TTLL5: variants seen among roughly 807,000 people sequenced by gnomAD.
TTLL5 encodes tubulin polyglutamylase TTLL5.
Under a neutral mutation model 168.4 loss-of-function variants are expected in TTLL5, and 132 were observed. The ratio of observed to expected loss-of-function variants is 0.78; its 90% CI spans 0.68 to 0.91. The LOEUF (loss-of-function observed/expected upper bound fraction) is 0.91, where lower values mean the gene tolerates loss of function less well. TTLL5 is among the 40% of genes least tolerant of loss of function. The pLI, the probability that TTLL5 is intolerant of heterozygous loss-of-function variation, is 0.00. For missense variants in TTLL5, 1,545 were observed against 1,581.5 expected, an observed-to-expected ratio of 0.98 and a Z score of 0.39; for synonymous variants, 546 against 558.6, an observed-to-expected ratio of 0.98 and a Z score of 0.32.
intron 3 of TTLL5, among the ~76,000 whole-genome samples, chr14:75,679,751 A>G (rs1296311777): frequency 1.3e-5 from 2 of 152,116 alleles, no homozygotes; most frequent in East Asian, 1.9e-4. Flanking sequence ...CTATTTTGTG[A>G]TTCCCACACA....
chr14:75,803,689 T>G (rs1566611190), intron 27 of TTLL5, among the ~76,000 whole-genome samples: 1 of 152,180 alleles, frequency 6.6e-6, no homozygotes, highest in Non-Finnish European at 1.5e-5. Context: ...AGAAACATCT[T>G]GCACCTGGGC....
At chr14:75,693,247 T>C (rs1053627145) in intron 6 of TTLL5, among the ~76,000 whole-genome samples, 1 of 152,142 alleles carries the variant, frequency 6.6e-6, no homozygotes, top group Non-Finnish European at 1.5e-5. Flanking sequence ...TGAGGTCTTA[T>C]GCCAGGAGTG....
At chr14:75,827,823 C>A (rs1237015642) in intron 28 of TTLL5, among the ~76,000 whole-genome samples, 1 of 144,252 alleles carries the variant, frequency 6.9e-6, no homozygotes, top group Non-Finnish European at 1.5e-5. Flanking sequence ...CAGGCTCAAG[C>A]GATCCTCCCT....
At chr14:75,737,626 G>A (rs1566582141) in intron 15 of TTLL5, 11 of 1,532,518 alleles carry the variant, frequency 7.2e-6, no homozygotes, top group Non-Finnish European at 9.6e-6. Context: ...TAGATCTTTT[G>A]GAGACTTCTT....
At position 75,811,179 on chromosome 14, in the gene TTLL5, GTGTGTGTGTA is replaced by G. The variant is rs759536274; in HGVS notation, c.3172-8818_3172-8809del. Among the ~76,000 whole-genome samples, 1,030 of 120,468 alleles carry G rather than the reference GTGTGTGTGTA, an allele frequency of 8.5e-3. 8 individuals carry two copies. Among genetic ancestry groups the G allele is most frequent in the Middle Eastern group, 0.016 (4 of 248 alleles). The allele number at this position is 120,468 out of a possible 152,430, so 79.0% of individuals were successfully genotyped here. A position where few individuals can be genotyped will look rare whatever the true frequency, so the allele number is the denominator to read the frequency against. On this transcript the variant is annotated intron_variant, in intron 27 of 31. Transcript: ENST00000298832. ...AGAGTGTGTGTGTGTGTGTGTGTGT[GTGTGTGTGTA>G]TGTGTGTGTGTGTGTTTGGGAGTAG...
intron 31 of TTLL5, among the ~76,000 whole-genome samples, chr14:75,939,388 C>G (rs1205155565): frequency 6.6e-6 from 1 of 151,998 alleles, no homozygotes; most frequent in Non-Finnish European, 1.5e-5. Flanking sequence ...CCCTTCATTT[C>G]ATTTCATTTT....
intron 3 of TTLL5, among the ~76,000 whole-genome samples, chr14:75,673,174 C>G (rs1883876091): frequency 6.6e-6 from 1 of 151,966 alleles, no homozygotes; most frequent in Non-Finnish European, 1.5e-5. Context: ...GTCTTGAACT[C>G]CTGGCCTCAA....
Position 75,719,725 on chromosome 14 carries a change from T to C in TTLL5, c.843-10T>C. ...TACATATGTGACTTTGATTTATTAATTTGTTTTAGTTGTGACGATCCAGAA... is the reference window on the plus strand; with the variant it reads ...TACATATGTGACTTTGATTTATTAACTTGTTTTAGTTGTGACGATCCAGAA... On this transcript the variant is annotated splice_polypyrimidine_tract_variant and intron_variant, in intron 10 of 31. Transcript: ENST00000298832. 6.3e-7 allele frequency: 1 copy of C among 1,595,058 alleles called. No homozygotes were observed. Among genetic ancestry groups the C allele is most frequent in the African/African-American group, 1.4e-5 (1 of 73,642 alleles).
At chr14:75,821,094 A>G (rs961903007) in intron 28 of TTLL5, among the ~76,000 whole-genome samples, 14 of 152,176 alleles carry the variant, frequency 9.2e-5, no homozygotes, top group African/African-American at 3.1e-4. Flanking sequence ...ACATGGAGGA[A>G]ATACCTAGTT....
rs959985320 is a variant in TTLL5 at position 75,719,739 on chromosome 14, G to T, written c.847G>T (p.Asp283Tyr). Reference sequence around the variant, plus strand: ...TGATTTATTAATTTGTTTTAGTTGTGACGATCCAGAAGTGGAGGATTATGG... The same window carrying T: ...TGATTTATTAATTTGTTTTAGTTGTTACGATCCAGAAGTGGAGGATTATGG... ...NKKSGDYVSCDDPEVEDYGNK... is the reference protein window; with the variant it reads ...NKKSGDYVSCYDPEVEDYGNK... The change falls in exon 11 of 32, where the codon GAC becomes TAC. Residue 283 changes from aspartate to tyrosine, a missense_variant. By Grantham distance (160) the Asp-to-Tyr change is radical. Coordinates refer to ENST00000298832, the MANE Select transcript of TTLL5 (RefSeq NM_015072.5). 6.2e-7 allele frequency: 1 copy of T among 1,607,678 alleles called. No homozygotes were observed. The highest frequency in any genetic ancestry group is 1.3e-5 in the African/African-American group (1 of 74,512).
intron 29 of TTLL5, among the ~76,000 whole-genome samples, chr14:75,867,043 G>C (rs10873285): frequency 0.88 from 134,434 of 152,284 alleles, 59,437 homozygotes; most frequent in South Asian, 0.92. Flanking sequence ...TTTTAAGTCA[G>C]AGCAGAGGTC....
chr14:75,682,682 C>CTA (rs931831959), intron 4 of TTLL5, among the ~76,000 whole-genome samples: 1 of 151,512 alleles, frequency 6.6e-6, no homozygotes. Context: ...GACACTTCCA[C>CTA]TATAGACACT....
intron 31 of TTLL5, among the ~76,000 whole-genome samples, chr14:75,918,033 G>T (rs1369153737): frequency 6.6e-6 from 1 of 152,164 alleles, no homozygotes; most frequent in Non-Finnish European, 1.5e-5. Flanking sequence ...TAACTCTAAT[G>T]CATTGGCTTT....
At position 75,910,941 on chromosome 14, in the gene TTLL5, T is replaced by C. The variant is rs533228259; in HGVS notation, c.3823+8717T>C. ...ATGCAGGTATTTCCAGTTTGCACCA[T>C]AGATGTCAAGGGGCTCCCTTCTCTT... On this transcript the variant is annotated intron_variant, in intron 31 of 31. Coordinates refer to ENST00000298832, the MANE Select transcript of TTLL5 (RefSeq NM_015072.5). Among the ~76,000 whole-genome samples the C allele has an allele frequency of 5.3e-5, 8 of 152,334 alleles. No individual in the cohort carries two copies. The East Asian group carries it at 9.6e-4, about 18-fold the overall frequency.
chr14:75,850,653 T>A lies in TTLL5; in HGVS notation c.3327-13014T>A, dbSNP rs1371525233. Among the ~76,000 whole-genome samples the A allele has an allele frequency of 2.0e-5, 3 of 152,140 alleles. 1 individual carries two copies. The highest frequency in any genetic ancestry group is 2.0e-4 in the Admixed American group (3 of 15,262). On this transcript the variant is annotated intron_variant, in intron 28 of 31. Transcript: ENST00000298832. The stretch of plus-strand genomic sequence containing the variant: ...GGAATTCCATGGAATAATGAATACC[T>A]GGGATGACAGGCAGGATTCACCGTG...
intron 12 of TTLL5, among the ~76,000 whole-genome samples, chr14:75,725,085 G>A (rs750453603): frequency 4.6e-5 from 7 of 152,214 alleles, no homozygotes; most frequent in Non-Finnish European, 1.0e-4. Flanking sequence ...GTTCTGATCA[G>A]AGCCCAGTGA....
chr14:75,883,307 C>T (rs1435728278), intron 30 of TTLL5, among the ~76,000 whole-genome samples: 1 of 152,230 alleles, frequency 6.6e-6, no homozygotes, highest in South Asian at 2.1e-4. Flanking sequence ...TTTTTAATAC[C>T]TTTTGTAGTC....
chr14:75,813,397 G>A (rs555674218), intron 27 of TTLL5, among the ~76,000 whole-genome samples: 16 of 151,900 alleles, frequency 1.1e-4, no homozygotes, highest in Middle Eastern at 3.4e-3. Context: ...AACCTCCTGC[G>A]CTCAAGCAAT....
intron 27 of TTLL5, among the ~76,000 whole-genome samples, chr14:75,794,702 G>GTTAA (rs1321769696): frequency 6.6e-6 from 1 of 152,172 alleles, no homozygotes; most frequent in Non-Finnish European, 1.5e-5. Context: ...AGATGTCAGT[G>GTTAA]TTAACTTTTA....
Sources: allele counts gnomAD v4.1 joint callset (sites outside exome capture counted in the v4.1 genomes callset), GRCh38; gene constraint gnomAD v4.1.1; transcripts MANE v1.5; gene names NCBI Gene and HGNC (gene_info 2026-07-23, HGNC 2026-07-21).